The following LSAMP variants were observed in gnomAD, a reference collection of about 807,000 sequenced individuals.
LSAMP encodes the protein limbic system-associated membrane protein.
LSAMP carries 7 observed loss-of-function variants against 38.6 expected under a neutral mutation model. The observed-to-expected ratio is 0.18, with a 90% CI of 0.10 to 0.34. LSAMP has a LOEUF of 0.34. LSAMP is among the 10% of genes least tolerant of loss of function. The probability of loss-of-function intolerance (pLI) is 1.00; values close to 1 mark genes in which losing one functional copy is unlikely to be tolerated. For synonymous variants in LSAMP, 154 were observed against 166.8 expected (o/e 0.92, Z 0.59); for missense variants, 313 against 420.0 (o/e 0.75, Z 2.23).
intron 2 of LSAMP, among the ~76,000 whole-genome samples, chr3:116,058,484 GT>G (rs1254091007): frequency 1.5e-4 from 22 of 151,180 alleles, no homozygotes; most frequent in South Asian, 2.1e-4. Flanking sequence ...AAATTAAAAA[GT>G]TTTTTAAAAA....
intron 1 of LSAMP, among the ~76,000 whole-genome samples, chr3:116,172,053 C>T (rs1434660352): frequency 2.0e-5 from 3 of 151,892 alleles, no homozygotes; most frequent in African/African-American, 7.3e-5. Context: ...TAACCACCAA[C>T]ACTATAAAAA....
chr3:115,985,497 A>G (rs1939484589), intron 3 of LSAMP, among the ~76,000 whole-genome samples: 2 of 152,198 alleles, frequency 1.3e-5, no homozygotes, highest in Admixed American at 1.3e-4. Flanking sequence ...AGCCTCAAAG[A>G]TAATCCCCAG....
intron 3 of LSAMP, among the ~76,000 whole-genome samples, chr3:115,956,923 C>G (rs1490368730): frequency 6.6e-6 from 1 of 152,168 alleles, no homozygotes; most frequent in Non-Finnish European, 1.5e-5. Flanking sequence ...CAACATTCTT[C>G]AGGTGCCAGA....
rs562400949 is a variant in LSAMP, at chr3:116,401,390, T to C, written c.155+43487A>G. Among the ~76,000 whole-genome samples, 211 of 152,276 alleles carry C rather than the reference T, an allele frequency of 1.4e-3. 1 individual carries two copies. The highest frequency in any genetic ancestry group is 4.9e-3 in the African/African-American group (204 of 41,556). On this transcript the variant is annotated intron_variant, in intron 1 of 6. Coordinates refer to ENST00000490035, the MANE Select transcript of LSAMP (RefSeq NM_002338.5). ...TAGACCTCCTGGGCTCAGGTGATCC[T>C]CCCACCTAAGCCTCCCAAGTAGCTG...
chr3:116,191,834 G>T (rs1202228591), intron 1 of LSAMP, among the ~76,000 whole-genome samples: 1 of 151,886 alleles, frequency 6.6e-6, no homozygotes, highest in African/African-American at 2.4e-5. Flanking sequence ...TGTTAAAAAT[G>T]TACAAATCAT....
chr3:116,159,364 A>G (rs1709829570), intron 1 of LSAMP, among the ~76,000 whole-genome samples: 1 of 152,210 alleles, frequency 6.6e-6, no homozygotes, highest in Non-Finnish European at 1.5e-5. Context: ...CATCTGACAA[A>G]CATTTGATAT....
chr3:116,281,435 A>G (rs2047124839), intron 1 of LSAMP, among the ~76,000 whole-genome samples: 1 of 152,178 alleles, frequency 6.6e-6, no homozygotes, highest in Admixed American at 6.5e-5. Context: ...GACAGCTATC[A>G]TAACTGATAA....
intron 1 of LSAMP, among the ~76,000 whole-genome samples, chr3:116,159,977 C>G (rs1369607114): frequency 6.6e-6 from 1 of 152,108 alleles, no homozygotes; most frequent in East Asian, 1.9e-4. Flanking sequence ...TCACACAGGA[C>G]AGAAAACAAA....
At chr3:116,189,486 A>C (rs1272846194) in intron 1 of LSAMP, among the ~76,000 whole-genome samples, 1 of 152,172 alleles carries the variant, frequency 6.6e-6, no homozygotes, top group African/African-American at 2.4e-5. Flanking sequence ...CTACAGAAAA[A>C]GCCCATTTAT....
chr3:116,196,476 C>T (rs1486093127), intron 1 of LSAMP, among the ~76,000 whole-genome samples: 1 of 152,140 alleles, frequency 6.6e-6, no homozygotes, highest in African/African-American at 2.4e-5. Context: ...AGAATCCTAT[C>T]TCAAGTAGAT....
rs1209364060 is a variant in LSAMP at position 115,805,471 on chromosome 3, A to G, written c.*4846T>C. 6.6e-6 allele frequency: 1 copy of G among 152,166 alleles called. No homozygotes were observed. The highest frequency in any genetic ancestry group is 1.5e-5 in the Non-Finnish European group (1 of 68,016). 9.4% of individuals were successfully genotyped at this position (152,166 alleles called of 1,614,324 possible). The stretch of plus-strand genomic sequence containing the variant: ...AAATGAAGTTTACATAGTTTATATT[A>G]TGTACATAAACTAGTGATTTACATT... On this transcript the variant is annotated 3_prime_UTR_variant, in exon 7 of 7. Coordinates refer to ENST00000490035, the MANE Select transcript of LSAMP (RefSeq NM_002338.5).
intron 1 of LSAMP, among the ~76,000 whole-genome samples, chr3:116,169,239 A>G (rs1001140413): frequency 6.6e-6 from 1 of 152,046 alleles, no homozygotes; most frequent in African/African-American, 2.4e-5. Context: ...TCTGCTCTCT[A>G]CTGTTGGGAG....
At chr3:116,112,895 T>C (rs1366806434) in intron 1 of LSAMP, among the ~76,000 whole-genome samples, 1 of 152,232 alleles carries the variant, frequency 6.6e-6, no homozygotes, top group Non-Finnish European at 1.5e-5. Flanking sequence ...CTGAAAATTC[T>C]GTGGCTCTGA....
At chr3:116,111,020 G>A (rs1240268226) in intron 1 of LSAMP, among the ~76,000 whole-genome samples, 1 of 152,154 alleles carries the variant, frequency 6.6e-6, no homozygotes, top group African/African-American at 2.4e-5. Context: ...CAGTGGGGGA[G>A]CTTCTGAGCC....
At chr3:116,318,733 G>T (rs1427675465) in intron 1 of LSAMP, among the ~76,000 whole-genome samples, 1 of 152,142 alleles carries the variant, frequency 6.6e-6, no homozygotes. Context: ...ATTATATTTG[G>T]ATACTGTAAC....
chr3:115,985,658 T>C (rs1014071426), intron 3 of LSAMP, among the ~76,000 whole-genome samples: 3 of 152,202 alleles, frequency 2.0e-5, no homozygotes, highest in Non-Finnish European at 4.4e-5. Flanking sequence ...CTCACTGGCT[T>C]TCACTGTTTT....
intron 3 of LSAMP, among the ~76,000 whole-genome samples, chr3:116,019,161 G>GA (rs1411435194): frequency 1.3e-4 from 17 of 134,750 alleles, no homozygotes; most frequent in African/African-American, 4.6e-4. Flanking sequence ...TGTGGGTGGG[G>GA]GGGGGGGGGC....
At chr3:116,186,893 T>C (rs1457913852) in intron 1 of LSAMP, among the ~76,000 whole-genome samples, 1 of 152,106 alleles carries the variant, frequency 6.6e-6, no homozygotes, top group African/African-American at 2.4e-5. Flanking sequence ...CATAGCTGGG[T>C]CAGCATAGAA....
intron 1 of LSAMP, among the ~76,000 whole-genome samples, chr3:116,244,708 A>G (rs2107641857): frequency 6.6e-6 from 1 of 152,304 alleles, no homozygotes; most frequent in Non-Finnish European, 1.5e-5. Flanking sequence ...CTTATTAGAA[A>G]ACAAACTCCA....
Sources: allele counts gnomAD v4.1 joint callset (sites outside exome capture counted in the v4.1 genomes callset), GRCh38; gene constraint gnomAD v4.1.1; transcripts MANE v1.5; gene names NCBI Gene and HGNC (gene_info 2026-07-23, HGNC 2026-07-21).